Variants in FARSB observed in about 807,000 individuals in gnomAD.
The protein encoded by FARSB is phenylalanine--tRNA ligase beta subunit.
A neutral mutation model predicts 69.6 loss-of-function variants in FARSB; 40 were observed. That is an observed-to-expected ratio of 0.57 (90% confidence interval 0.45 to 0.75). The LOEUF (loss-of-function observed/expected upper bound fraction) is 0.75. Among genes scored for constraint, FARSB ranks in the 30% least tolerant of loss-of-function variants. FARSB has a pLI of 0.00. For missense variants in FARSB, 632 were observed against 722.9 expected (o/e 0.87, Z 1.44); for synonymous variants, 235 against 247.2 (o/e 0.95, Z 0.46).
rs1206592639 is a variant in FARSB, at chr2:222,570,457, TC to T, written c.*1413del. 1 of 152,138 alleles carries T rather than the reference TC, an allele frequency of 6.6e-6. No individual in the cohort carries two copies. Among genetic ancestry groups the T allele is most frequent in the Non-Finnish European group, 1.5e-5 (1 of 68,018 alleles). The allele number at this position is 152,138 out of a possible 1,614,324, so 9.4% of individuals were successfully genotyped here. A position where few individuals can be genotyped will look rare whatever the true frequency, so the allele number is the denominator to read the frequency against. Reference sequence around the variant, plus strand: ...AAGGTTGTAATATGGTCAGGTTTTCTCCTAGTAGTAGACTCAGCAAAAGATC... The same window carrying T: ...AAGGTTGTAATATGGTCAGGTTTTCTCTAGTAGTAGACTCAGCAAAAGATC... On this transcript the variant is annotated 3_prime_UTR_variant, in exon 17 of 17. Transcript: ENST00000281828.
Position 222,571,785 on chromosome 2 carries a change from G to C in FARSB, c.*86C>G, listed in dbSNP as rs1432646346. 4 of 1,145,322 alleles carry C rather than the reference G, an allele frequency of 3.5e-6. No individual in the cohort carries two copies. In the Admixed American group the frequency reaches 1.0e-4, roughly 29 times the overall value. 70.9% of individuals were successfully genotyped at this position (1,145,322 alleles called of 1,614,324 possible). A position where few individuals can be genotyped will look rare whatever the true frequency, so the allele number is the denominator to read the frequency against. On this transcript the variant is annotated 3_prime_UTR_variant, in exon 17 of 17. Transcript: ENST00000281828. ...TTTATTAAACATCAAAGCCCAAATAGATGTTCCCTGTGGAGGAGGACTTAA... is the reference window on the plus strand; with the variant it reads ...TTTATTAAACATCAAAGCCCAAATACATGTTCCCTGTGGAGGAGGACTTAA...
chr2:222,634,300 TA>T, intron 6 of FARSB, 90 bp downstream of exon 6: 2 of 879,410 alleles, frequency 2.3e-6, no homozygotes, highest in Non-Finnish European at 1.7e-6. Flanking sequence ...TTTTTAAAAG[TA>T]TTGATTACAT....
chr2:222,604,419 C>T (rs932919816), intron 15 of FARSB, among the ~76,000 whole-genome samples: 2 of 152,152 alleles, frequency 1.3e-5, no homozygotes, highest in Non-Finnish European at 2.9e-5. Context: ...TCGGACTGAA[C>T]AGATACAAAG....
At chr2:222,608,528 GGTTT>G (rs1690764701) in intron 15 of FARSB, among the ~76,000 whole-genome samples, 2 of 152,064 alleles carry the variant, frequency 1.3e-5, no homozygotes, top group Non-Finnish European at 2.9e-5. Flanking sequence ...CAGTGAATTA[GGTTT>G]GTTCTGTGAT....
intron 15 of FARSB, among the ~76,000 whole-genome samples, chr2:222,604,964 G>A (rs1690662300): frequency 7.2e-6 from 1 of 139,624 alleles, no homozygotes; most frequent in South Asian, 2.6e-4. Flanking sequence ...GCAGACAGTG[G>A]GCCATATCTA....
At position 222,579,249 on chromosome 2, in the gene FARSB, T is replaced by C. The variant is rs576921981; in HGVS notation, c.1619-7227A>G. ...CAGGCACATAAGGCCTAAAGCAGAA[T>C]GTTTTTAAGCTTTTGGTCAAGCTGT... On this transcript the variant is annotated intron_variant, in intron 16 of 16. Coordinates refer to ENST00000281828, the MANE Select transcript of FARSB (RefSeq NM_005687.5). 5.3e-5 allele frequency among the ~76,000 whole-genome samples: 8 copies of C among 152,358 alleles called. No individual in the cohort carries two copies. In the East Asian group the frequency reaches 1.5e-3, roughly 29 times the overall value.
intron 16 of FARSB, among the ~76,000 whole-genome samples, chr2:222,589,841 C>A (rs1166132319): frequency 6.6e-6 from 1 of 152,112 alleles, no homozygotes. Context: ...GTTAGAATGG[C>A]AATCATTAAA....
intron 1 of FARSB, among the ~76,000 whole-genome samples, chr2:222,649,406 G>A (rs1449472218): frequency 6.6e-6 from 1 of 152,222 alleles, no homozygotes; most frequent in East Asian, 1.9e-4. Context: ...CTGTTAAGTA[G>A]AGATCAGATA....
intron 15 of FARSB, among the ~76,000 whole-genome samples, chr2:222,612,518 T>C (rs888244355): frequency 2.6e-5 from 4 of 152,210 alleles, no homozygotes; most frequent in Non-Finnish European, 4.4e-5. Context: ...GTGACTACTT[T>C]GGAAAGTTAA....
intron 1 of FARSB, among the ~76,000 whole-genome samples, chr2:222,650,374 A>C (rs936928635): frequency 1.5e-4 from 23 of 152,236 alleles, no homozygotes; most frequent in Admixed American, 6.5e-4. Context: ...CGCAGAGTAG[A>C]GGATGGATTG....
chr2:222,617,934 A>G (rs1018713281), intron 14 of FARSB, among the ~76,000 whole-genome samples: 2 of 152,204 alleles, frequency 1.3e-5, no homozygotes, highest in African/African-American at 4.8e-5. Flanking sequence ...ATCAAGCTAG[A>G]TAAGTAAAAC....
At chr2:222,652,278 G>T (rs1310734717) in intron 1 of FARSB, among the ~76,000 whole-genome samples, 4 of 152,172 alleles carry the variant, frequency 2.6e-5, no homozygotes, top group Non-Finnish European at 5.9e-5. Context: ...TTGGGAGGGG[G>T]TGAGTATATT....
intron 13 of FARSB, 117 bp from the exon 14 acceptor site, chr2:222,619,854 A>G: frequency 1.7e-6 from 1 of 576,986 alleles, no homozygotes; most frequent in South Asian, 2.4e-5. Flanking sequence ...ACATATCAGC[A>G]AGTTAAGAAT....
chr2:222,603,691 AT>A (rs1690627048), intron 15 of FARSB, among the ~76,000 whole-genome samples: 2 of 135,000 alleles, frequency 1.5e-5, no homozygotes, highest in African/African-American at 5.2e-5. Flanking sequence ...ATTATATATT[AT>A]TATATATATT....
chr2:222,626,557 C>T (rs1462565979), intron 10 of FARSB, among the ~76,000 whole-genome samples: 1 of 152,132 alleles, frequency 6.6e-6, no homozygotes, highest in Non-Finnish European at 1.5e-5. Context: ...TGCCAAAACA[C>T]TCATGCAGTA....
At chr2:222,577,541 C>T (rs1689867422) in intron 16 of FARSB, among the ~76,000 whole-genome samples, 1 of 152,200 alleles carries the variant, frequency 6.6e-6, no homozygotes, top group African/African-American at 2.4e-5. Flanking sequence ...GACGCAGCAA[C>T]ATTCCATCAA....
intron 16 of FARSB, among the ~76,000 whole-genome samples, chr2:222,577,909 A>G (rs908839858): frequency 2.1e-4 from 32 of 152,232 alleles, no homozygotes; most frequent in Admixed American, 1.8e-3. Context: ...AATCTTAACT[A>G]TGTGTCTCTC....
intron 1 of FARSB, among the ~76,000 whole-genome samples, chr2:222,650,823 C>T (rs879075988): frequency 6.6e-6 from 1 of 152,204 alleles, no homozygotes; most frequent in Non-Finnish European, 1.5e-5. Flanking sequence ...AAGCCAGAAC[C>T]ACCTTCCTAA....
intron 16 of FARSB, among the ~76,000 whole-genome samples, chr2:222,593,900 A>G (rs1194714661): frequency 1.3e-5 from 2 of 151,718 alleles, no homozygotes; most frequent in East Asian, 3.9e-4. Context: ...AATGCTGACA[A>G]TATCTATCAA....
Sources: allele counts gnomAD v4.1 joint callset (sites outside exome capture counted in the v4.1 genomes callset), GRCh38; gene constraint gnomAD v4.1.1; transcripts MANE v1.5; gene names NCBI Gene and HGNC (gene_info 2026-07-23, HGNC 2026-07-21).